LTBP1: variants seen among roughly 807,000 people sequenced by gnomAD.
LTBP1 encodes the protein latent-transforming growth factor beta-binding protein 1.
A neutral mutation model predicts 207.6 loss-of-function variants in LTBP1; 129 were observed. The ratio of observed to expected loss-of-function variants is 0.62; its 90% CI spans 0.54 to 0.72. The LOEUF (loss-of-function observed/expected upper bound fraction) is 0.72, where lower values mean the gene tolerates loss of function less well. Among genes scored for constraint, LTBP1 ranks in the 30% least tolerant of loss-of-function variants. LTBP1 has a pLI of 0.00. For missense variants in LTBP1, 2,281 were observed against 2,217.2 expected, an observed-to-expected ratio of 1.03 and a Z score of -0.58; for synonymous variants, 963 against 833.7, an observed-to-expected ratio of 1.16 and a Z score of -2.67.
intron 5 of LTBP1, among the ~76,000 whole-genome samples, chr2:33,136,834 T>C (rs1315743035): frequency 6.6e-6 from 1 of 152,168 alleles, no homozygotes; most frequent in Non-Finnish European, 1.5e-5. Flanking sequence ...CATAGCCTAC[T>C]CAAAATGCAA....
intron 4 of LTBP1, among the ~76,000 whole-genome samples, chr2:33,123,440 G>A (rs1221823448): frequency 1.3e-5 from 2 of 151,508 alleles, no homozygotes; most frequent in Non-Finnish European, 1.5e-5. Context: ...CAGTATGTGT[G>A]TAAGTACATA....
intron 5 of LTBP1, among the ~76,000 whole-genome samples, chr2:33,185,144 A>G (rs1016455588): frequency 1.1e-4 from 16 of 152,212 alleles, no homozygotes; most frequent in African/African-American, 2.9e-4. Context: ...ACACTGAGGA[A>G]CTGAATTAAG....
intron 17 of LTBP1, among the ~76,000 whole-genome samples, chr2:33,275,459 C>T (rs1355845190): frequency 4.6e-5 from 7 of 152,056 alleles, no homozygotes; most frequent in Non-Finnish European, 7.3e-5. Flanking sequence ...CCGAGCCTGG[C>T]GGATCACCTG....
Position 33,330,209 on chromosome 2 carries a change from C to A in LTBP1, c.3731-12629C>A, listed in dbSNP as rs143927491. Among the ~76,000 whole-genome samples the A allele has an allele frequency of 2.5e-3, 380 of 152,126 alleles. 3 individuals are homozygous for A. Among genetic ancestry groups the A allele is most frequent in the Middle Eastern group, 6.8e-3 (2 of 294 alleles). Reference sequence around the variant, plus strand: ...TATAGAGCTAAATTTGATTTTTGTACATTGAACTTGTATCCATGACCTTGC... The same window carrying A: ...TATAGAGCTAAATTTGATTTTTGTAAATTGAACTTGTATCCATGACCTTGC... On this transcript the variant is annotated intron_variant, in intron 24 of 33. Coordinates refer to ENST00000404816, the MANE Select transcript of LTBP1 (RefSeq NM_206943.4).
chr2:33,103,586 CGTGTGT>C (rs71407500), intron 3 of LTBP1, among the ~76,000 whole-genome samples: 284 of 118,222 alleles, frequency 2.4e-3, no homozygotes, highest in Middle Eastern at 0.013. Flanking sequence ...TCTCCGTTTA[CGTGTGT>C]GTGTGTGTGT....
At chr2:33,123,735 G>A (rs1362139117) in intron 4 of LTBP1, among the ~76,000 whole-genome samples, 1 of 152,146 alleles carries the variant, frequency 6.6e-6, no homozygotes, top group East Asian at 1.9e-4. Context: ...AAGACATGAG[G>A]TAAGTTCCAC....
At chr2:33,141,481 G>A (rs2082642959) in intron 5 of LTBP1, among the ~76,000 whole-genome samples, 1 of 152,120 alleles carries the variant, frequency 6.6e-6, no homozygotes, top group Non-Finnish European at 1.5e-5. Context: ...TAGTATATGT[G>A]TACACTACTG....
intron 24 of LTBP1, 133 bp from the exon 25 acceptor site, chr2:33,342,705 T>TTC: frequency 1.3e-6 from 1 of 753,614 alleles, no homozygotes; most frequent in Non-Finnish European, 2.0e-6. Context: ...AAAAGCTGTT[T>TTC]TCTGTGTAAA....
chr2:33,221,488 T>C (rs2091100165), intron 8 of LTBP1, among the ~76,000 whole-genome samples: 1 of 152,220 alleles, frequency 6.6e-6, no homozygotes, highest in Non-Finnish European at 1.5e-5. Flanking sequence ...TTTGTATTGT[T>C]TGCATATTCT....
At chr2:33,215,257 A>T (rs1396083127) in intron 7 of LTBP1, among the ~76,000 whole-genome samples, 1 of 152,158 alleles carries the variant, frequency 6.6e-6, no homozygotes. Flanking sequence ...TAGGAGAAAG[A>T]TACTATTATG....
In LTBP1 at chr2:33,273,445, A is replaced by G. The variant is rs75829211; in HGVS notation, c.2618-211A>G. 2.0e-5 allele frequency among the ~76,000 whole-genome samples: 3 copies of G among 150,002 alleles called. 1 individual carries two copies. The highest frequency in any genetic ancestry group is 4.4e-5 in the Non-Finnish European group (3 of 67,996). ...CATCTTAAAAATGGCTTTACTAGGA[A>G]CTATTGATGTCCTTGGATAGGACTA... On this transcript the variant is annotated intron_variant, in intron 15 of 33. Coordinates refer to ENST00000404816, the MANE Select transcript of LTBP1 (RefSeq NM_206943.4).
intron 3 of LTBP1, among the ~76,000 whole-genome samples, chr2:33,081,107 T>C (rs1411355681): frequency 7.6e-6 from 1 of 132,450 alleles, no homozygotes; most frequent in East Asian, 2.5e-4. Context: ...GATCTAATAG[T>C]AATATACTGG....
At chr2:33,081,909 C>T (rs906556531) in intron 3 of LTBP1, among the ~76,000 whole-genome samples, 1 of 152,168 alleles carries the variant, frequency 6.6e-6, no homozygotes, top group African/African-American at 2.4e-5. Context: ...GATGTTTTTG[C>T]TTCCCCTTCC....
chr2:33,198,659 C>T (rs1379328305), intron 7 of LTBP1, among the ~76,000 whole-genome samples: 2 of 152,184 alleles, frequency 1.3e-5, no homozygotes, highest in African/African-American at 2.4e-5. Flanking sequence ...TTATCCATTT[C>T]TTCTAGATTT....
intron 2 of LTBP1, among the ~76,000 whole-genome samples, chr2:32,970,291 T>C (rs1170253708): frequency 6.6e-6 from 1 of 152,210 alleles, no homozygotes; most frequent in Non-Finnish European, 1.5e-5. Context: ...TGTCATTTTT[T>C]GTTTTTGTTG....
intron 26 of LTBP1, among the ~76,000 whole-genome samples, chr2:33,353,770 A>G (rs1279281036): frequency 6.6e-6 from 1 of 152,106 alleles, no homozygotes; most frequent in Non-Finnish European, 1.5e-5. Context: ...CACAGAATAC[A>G]ACTCATCTTG....
intron 15 of LTBP1, among the ~76,000 whole-genome samples, chr2:33,268,925 A>G (rs149206532): frequency 1.3e-5 from 2 of 152,206 alleles, no homozygotes; most frequent in African/African-American, 4.8e-5. Flanking sequence ...TGGCCCAGAC[A>G]TTTAAAAAAA....
At chr2:33,158,309 TTAAGTAGTTACATAGAAG>T (rs1187244405) in intron 5 of LTBP1, among the ~76,000 whole-genome samples, 2 of 152,102 alleles carry the variant, frequency 1.3e-5, no homozygotes, top group Non-Finnish European at 2.9e-5. Flanking sequence ...TATCCAGGGA[TTAAGTAGTTACATAGAAG>T]TAAGTAGTTA....
intron 20 of LTBP1, among the ~76,000 whole-genome samples, chr2:33,296,417 C>T (rs1418606754): frequency 6.6e-6 from 1 of 152,050 alleles, no homozygotes; most frequent in Non-Finnish European, 1.5e-5. Flanking sequence ...TCAAGATTAT[C>T]CTGCCTTTCA....
Sources: allele counts gnomAD v4.1 joint callset (sites outside exome capture counted in the v4.1 genomes callset), GRCh38; gene constraint gnomAD v4.1.1; transcripts MANE v1.5; gene names NCBI Gene and HGNC (gene_info 2026-07-23, HGNC 2026-07-21).